The following DYNC2I2 variants were observed in gnomAD, a reference collection of about 807,000 sequenced individuals.
DYNC2I2 encodes the protein dynein 2 intermediate chain 2, also known as cytoplasmic dynein 2 intermediate chain 2.
DYNC2I2 carries 39 observed loss-of-function variants against 52.0 expected under a neutral mutation model. The observed-to-expected ratio is 0.75, with a 90% CI of 0.58 to 0.98. The LOEUF is 0.98. Among genes scored for constraint, DYNC2I2 ranks in the 50% least tolerant of loss-of-function variants. The pLI, the probability that DYNC2I2 is intolerant of heterozygous loss-of-function variation, is 0.00. For missense variants in DYNC2I2, 743 were observed against 728.4 expected, an observed-to-expected ratio of 1.02 and a Z score of -0.23; for synonymous variants, 359 against 321.1, an observed-to-expected ratio of 1.12 and a Z score of -1.26.
At chr9:128,677,567 G>A in the DYNC2I2 span, among the ~76,000 whole-genome samples, 2 of 152,090 alleles carry the variant, frequency 1.3e-5, no homozygotes, top group South Asian at 4.2e-4. Context: ...GTCGGCTGAG[G>A]TGGGTGGATC....
At chr9:128,656,083 C>A (rs1445250137) in intron 1 of DYNC2I2, among the ~76,000 whole-genome samples, 1 of 150,526 alleles carries the variant, frequency 6.6e-6, no homozygotes, top group Non-Finnish European at 1.5e-5. Context: ...TGGTGGCCCG[C>A]GCCTGAGGTC....
chr9:128,660,429 T>A (rs975395033), upstream of DYNC2I2, among the ~76,000 whole-genome samples: 8 of 149,726 alleles, frequency 5.3e-5, no homozygotes, highest in Non-Finnish European at 8.9e-5. Flanking sequence ...TTTTTTTTTT[T>A]AAACAGTCTT....
At chr9:128,660,288 T>C (rs1331466216), upstream of DYNC2I2, among the ~76,000 whole-genome samples, 1 of 151,368 alleles carries the variant, frequency 6.6e-6, no homozygotes, top group Non-Finnish European at 1.5e-5. Flanking sequence ...TTTTTTGTAT[T>C]TTTAGTGGAG....
At position 128,647,321 on chromosome 9, in the gene DYNC2I2, G is replaced by T. The variant is rs554882999; in HGVS notation, c.187-6382C>A. 2.3e-4 allele frequency among the ~76,000 whole-genome samples: 35 copies of T among 152,166 alleles called. No homozygotes were observed. The East Asian group carries it at 6.6e-3, about 29-fold the overall frequency. On this transcript the variant is annotated intron_variant, in intron 1 of 8. Transcript: ENST00000372715. Reference sequence around the variant, plus strand: ...CAAGAGGGTAAGGCTCCAATAAGCCGCCCCCGGGGGAAGTCAGAGAAAGAA... The same window carrying T: ...CAAGAGGGTAAGGCTCCAATAAGCCTCCCCCGGGGGAAGTCAGAGAAAGAA...
chr9:128,676,423 G>A, the DYNC2I2 span, among the ~76,000 whole-genome samples: 2 of 152,136 alleles, frequency 1.3e-5, no homozygotes, highest in African/African-American at 4.8e-5. Flanking sequence ...CCAGGAGGTG[G>A]AGGTTGCAGT....
At chr9:128,641,768 G>A (rs565956228) in intron 1 of DYNC2I2, among the ~76,000 whole-genome samples, 25 of 152,218 alleles carry the variant, frequency 1.6e-4, no homozygotes, top group South Asian at 6.2e-4. Flanking sequence ...CCCGGAGGAA[G>A]AGGGCAGGAC....
chr9:128,644,645 C>G (rs2132164664), intron 1 of DYNC2I2, among the ~76,000 whole-genome samples: 1 of 152,264 alleles, frequency 6.6e-6, no homozygotes, highest in Admixed American at 6.5e-5. Context: ...CGGTGCCCTC[C>G]CGAACACGTG....
chr9:128,634,928 A>G lies in DYNC2I2; in HGVS notation c.982-7T>C, dbSNP rs1483920866. 1.9e-6 allele frequency: 3 copies of G among 1,611,280 alleles called. No homozygotes were observed. On this transcript the variant is annotated splice_region_variant and splice_polypyrimidine_tract_variant and intron_variant, in intron 6 of 8. Coordinates refer to ENST00000372715, the MANE Select transcript of DYNC2I2 (RefSeq NM_052844.4). ...CGGTCTCCCCGCGGGGATGCTGTGG[A>G]GAAATGGCAGCAGCAGGGTCAGAGC...
chr9:128,644,771 ATTT>A (rs1860582990), intron 1 of DYNC2I2, among the ~76,000 whole-genome samples: 1 of 152,138 alleles, frequency 6.6e-6, no homozygotes. Context: ...CTATCGGGCC[ATTT>A]TCCCTACAGC....
At chr9:128,639,388 ACT>A (rs1445151557) in intron 2 of DYNC2I2, among the ~76,000 whole-genome samples, 2 of 151,478 alleles carry the variant, frequency 1.3e-5, no homozygotes, top group African/African-American at 4.9e-5. Flanking sequence ...ACAGAGCGAG[ACT>A]CTGTCTCAAA....
At chr9:128,648,510 G>A (rs544384567) in intron 1 of DYNC2I2, among the ~76,000 whole-genome samples, 5 of 151,814 alleles carry the variant, frequency 3.3e-5, no homozygotes, top group Admixed American at 1.3e-4. Context: ...GCAGGGCCAG[G>A]CATGGTGGCT....
chr9:128,666,908 T>C, the DYNC2I2 span, among the ~76,000 whole-genome samples: 1 of 151,602 alleles, frequency 6.6e-6, no homozygotes, highest in Non-Finnish European at 1.5e-5. Flanking sequence ...TGCTACGAAA[T>C]ACAAAAATTA....
At chr9:128,679,674 T>C in the DYNC2I2 span, among the ~76,000 whole-genome samples, 1 of 148,660 alleles carries the variant, frequency 6.7e-6, no homozygotes, top group Non-Finnish European at 1.5e-5. Flanking sequence ...TGAGATGGAG[T>C]CTTGCTCTGT....
In DYNC2I2 at chr9:128,635,242, C is replaced by T. The variant is rs1860370234; in HGVS notation, c.831G>A (p.Glu277=). The change falls in exon 6 of 9, where the codon GAG becomes GAA. Residue 277 remains glutamate (E), a synonymous_variant. Transcript: ENST00000372715. Reference sequence around the variant, plus strand: ...CCTGGAAGCGGTGGCTGTGCCCAGGCTCGGGCAGCCACACCACCTGAGTTA... The same window carrying T: ...CCTGGAAGCGGTGGCTGTGCCCAGGTTCGGGCAGCCACACCACCTGAGTTA... ...DPVSQVVWLP[E]PGHSHRFQVL... is the part of the protein sequence containing the mutation. The T allele has an allele frequency of 5.6e-6, 9 of 1,612,364 alleles. No individual in the cohort carries two copies. Among genetic ancestry groups the T allele is most frequent in the Non-Finnish European group, 7.6e-6 (9 of 1,179,768 alleles).
chr9:128,674,205 G>A, the DYNC2I2 span, among the ~76,000 whole-genome samples: 14 of 151,676 alleles, frequency 9.2e-5, no homozygotes, highest in African/African-American at 3.1e-4. Context: ...GCGTAATCTC[G>A]GCTCACTGCA....
intron 3 of DYNC2I2, 110 bp downstream of exon 3, chr9:128,636,808 A>G (rs1374953304): frequency 1.2e-6 from 1 of 833,886 alleles, no homozygotes; most frequent in Non-Finnish European, 1.9e-6. Context: ...AGAGACTCCC[A>G]GGATGGCCAA....
At position 128,640,611 on chromosome 9, in the gene DYNC2I2, G is replaced by A. The variant is rs1210672379; in HGVS notation, c.435+80C>T. The A allele has an allele frequency of 4.5e-6, 7 of 1,551,962 alleles. No individual in the cohort carries two copies. In the East Asian group the frequency reaches 1.6e-4, roughly 35 times the overall value. On this transcript the variant is annotated intron_variant, in intron 2 of 8. Transcript: ENST00000372715. ...GGCCGTGATGATGACTGGCACGGCT[G>A]TTATTTGTGGGAAGGAAAACAAGAG...
chr9:128,679,802 G>A, the DYNC2I2 span, among the ~76,000 whole-genome samples: 5 of 151,126 alleles, frequency 3.3e-5, no homozygotes, highest in South Asian at 2.1e-4. Context: ...AGCCATGATT[G>A]CGCCACTGCA....
chr9:128,669,321 C>T, the DYNC2I2 span, among the ~76,000 whole-genome samples: 18 of 151,942 alleles, frequency 1.2e-4, no homozygotes, highest in East Asian at 1.4e-3. Flanking sequence ...GCCGAGATTG[C>T]GCCACTGCAC....
Sources: allele counts gnomAD v4.1 joint callset (sites outside exome capture counted in the v4.1 genomes callset), GRCh38; gene constraint gnomAD v4.1.1; transcripts MANE v1.5; gene names NCBI Gene and HGNC (gene_info 2026-07-23, HGNC 2026-07-21).